The following CPXM2 variants were observed in gnomAD, a reference collection of about 807,000 sequenced individuals.
CPXM2 encodes the protein inactive carboxypeptidase-like protein X2.
CPXM2 carries 66 observed loss-of-function variants against 86.1 expected under a neutral mutation model. The observed-to-expected ratio is 0.77, with a 90% CI of 0.63 to 0.94. The LOEUF is 0.94. Among genes scored for constraint, CPXM2 ranks in the 40% least tolerant of loss-of-function variants. CPXM2 has a pLI of 0.00. For missense variants in CPXM2, 948 were observed against 1,026.3 expected (o/e 0.92, Z 1.04); for synonymous variants, 388 against 400.2 (o/e 0.97, Z 0.36).
chr10:123,849,267 T>C (rs1848553208), intron 3 of CPXM2, among the ~76,000 whole-genome samples: 1 of 152,216 alleles, frequency 6.6e-6, no homozygotes, highest in African/African-American at 2.4e-5. Flanking sequence ...GTTGATTTAG[T>C]AACTAAGTCT....
chr10:123,858,922 C>T (rs1279471191), intron 3 of CPXM2, among the ~76,000 whole-genome samples: 1 of 152,212 alleles, frequency 6.6e-6, no homozygotes, highest in African/African-American at 2.4e-5. Flanking sequence ...CTCACAATTC[C>T]ATGACGGAGG....
At position 123,764,329 on chromosome 10, in the gene CPXM2, C is replaced by T. The variant is rs148305237; in HGVS notation, c.1480-2160G>A. ...TTTGTATCTTACCTAAAATAGCCTC[C>T]CTTACACTAAAAGCTATATTCAAAA... On this transcript the variant is annotated intron_variant, in intron 10 of 13. Transcript: ENST00000241305. Among the ~76,000 whole-genome samples the T allele has an allele frequency of 4.2e-3, 638 of 152,216 alleles. 2 individuals carry two copies. The highest frequency in any genetic ancestry group is 6.8e-3 in the Non-Finnish European group (465 of 68,020).
At chr10:123,763,722 A>C (rs1846401436) in intron 10 of CPXM2, among the ~76,000 whole-genome samples, 1 of 151,974 alleles carries the variant, frequency 6.6e-6, no homozygotes, top group Non-Finnish European at 1.5e-5. Flanking sequence ...GTTAATACCT[A>C]TTCTTAGATG....
intron 2 of CPXM2, among the ~76,000 whole-genome samples, chr10:123,866,174 C>A (rs532133878): frequency 1.3e-5 from 2 of 152,302 alleles, no homozygotes; most frequent in Admixed American, 1.3e-4. Flanking sequence ...GAGCCCCTCC[C>A]CTTCCCTTTA....
At chr10:123,854,378 T>TATATATTATATATATATTATATATAAA (rs1848668154) in intron 3 of CPXM2, among the ~76,000 whole-genome samples, 1 of 121,288 alleles carries the variant, frequency 8.2e-6, no homozygotes, top group African/African-American at 3.3e-5. Context: ...ATATATAATA[T>TATATATTATATATATATTATATATAAA]ATATATAATA....
rs541384022 is a variant in CPXM2, at chr10:123,852,604, T to G, written c.513+10010A>C. Among the ~76,000 whole-genome samples, 35 of 152,320 alleles carry G rather than the reference T, an allele frequency of 2.3e-4. 1 individual carries two copies. The highest frequency in any genetic ancestry group is 7.7e-4 in the African/African-American group (32 of 41,570). ...CCAGAACTTTCCAGGGCTCCCCTAA[T>G]TGGCTCACGGCTAAAAGCTGAAGTC... On this transcript the variant is annotated intron_variant, in intron 3 of 13. Transcript: ENST00000241305.
chr10:123,839,960 C>T (rs760838661), intron 4 of CPXM2, among the ~76,000 whole-genome samples: 6 of 152,204 alleles, frequency 3.9e-5, no homozygotes, highest in Admixed American at 3.9e-4. Flanking sequence ...ACTGTCTGAG[C>T]TGAGGAAAGA....
intron 4 of CPXM2, among the ~76,000 whole-genome samples, chr10:123,825,926 C>T (rs1403992330): frequency 6.6e-6 from 1 of 152,042 alleles, no homozygotes; most frequent in Non-Finnish European, 1.5e-5. Context: ...GTGAGAAGAG[C>T]TCCATGGTTT....
At chr10:123,760,695 CT>C (rs1564753339) in intron 11 of CPXM2, among the ~76,000 whole-genome samples, 3 of 152,210 alleles carry the variant, frequency 2.0e-5, no homozygotes, top group African/African-American at 7.2e-5. Flanking sequence ...CTTATCACGA[CT>C]GTTTCTGTGA....
chr10:123,814,260 A>G (rs61863810), intron 4 of CPXM2, among the ~76,000 whole-genome samples: 8,536 of 152,286 alleles, frequency 0.056, 310 homozygotes, highest in South Asian at 0.083. Context: ...GATGGGCACC[A>G]TCTAATCAGG....
At chr10:123,890,748 G>T (rs955045145) in intron 1 of CPXM2, among the ~76,000 whole-genome samples, 2 of 152,320 alleles carry the variant, frequency 1.3e-5, no homozygotes, top group East Asian at 3.9e-4. Flanking sequence ...AGCACTGCAG[G>T]CAGCCAGGGA....
At chr10:123,768,424 G>A in intron 9 of CPXM2, 102 bp downstream of exon 9, 1 of 566,030 alleles carries the variant, frequency 1.8e-6, no homozygotes, top group Non-Finnish European at 2.8e-6. Context: ...AATAAATAAA[G>A]CTCGGAAGGT....
chr10:123,918,489 G>A (rs1045724149), intron 2 of CPXM2, among the ~76,000 whole-genome samples: 1 of 152,040 alleles, frequency 6.6e-6, no homozygotes, highest in African/African-American at 2.4e-5. Context: ...AGAGTGTCCT[G>A]GAGTGCTCCC....
Position 123,794,329 on chromosome 10 carries a change from A to G in CPXM2, c.889+3647T>C, listed in dbSNP as rs113604393. On this transcript the variant is annotated intron_variant, in intron 6 of 13. Transcript: ENST00000241305. ...GACATCAAAGCCCCACACATTCATC[A>G]TATAAGCTACTGGGCAGTTCCAGGG... Among the ~76,000 whole-genome samples, 266 of 152,354 alleles carry G rather than the reference A, an allele frequency of 1.7e-3. 3 individuals carry two copies. Among genetic ancestry groups the G allele is most frequent in the African/African-American group, 6.1e-3 (254 of 41,574 alleles).
intron 3 of CPXM2, among the ~76,000 whole-genome samples, chr10:123,852,478 G>C (rs186281813): frequency 4.9e-4 from 74 of 152,182 alleles, no homozygotes; most frequent in African/African-American, 1.7e-3. Flanking sequence ...TGAAGTCACC[G>C]CCCTTGACAG....
intron 4 of CPXM2, among the ~76,000 whole-genome samples, chr10:123,832,826 T>A (rs1590047406): frequency 1.5e-5 from 2 of 133,566 alleles, no homozygotes; most frequent in African/African-American, 3.1e-5. Context: ...AAACTCTGTC[T>A]AAAAAAAAAA....
At chr10:123,902,674 T>C (rs117387887) in intron 2 of CPXM2, among the ~76,000 whole-genome samples, 2,603 of 152,310 alleles carry the variant, frequency 0.017, 34 homozygotes, top group Middle Eastern at 0.048. Flanking sequence ...ATAAGGGCAC[T>C]GATCCCATTC....
chr10:123,838,126 G>C (rs1848315098), intron 4 of CPXM2, among the ~76,000 whole-genome samples: 1 of 152,186 alleles, frequency 6.6e-6, no homozygotes, highest in African/African-American at 2.4e-5. Flanking sequence ...GACATCCAGA[G>C]AGCATCAGAA....
chr10:123,935,915 C>T (rs910301386), intron 2 of CPXM2, among the ~76,000 whole-genome samples: 1 of 150,766 alleles, frequency 6.6e-6, no homozygotes, highest in Admixed American at 6.6e-5. Context: ...GCATCTTCAC[C>T]ATCATCACCA....
Sources: gnomAD v4.1 joint callset for allele counts (sites outside exome capture counted in the v4.1 genomes callset) on GRCh38, gnomAD v4.1.1 for gene constraint, MANE v1.5 for transcripts, NCBI Gene and HGNC (gene_info 2026-07-23, HGNC 2026-07-21) for gene names.